Variants in SLC26A7 observed in about 807,000 individuals in gnomAD.
SLC26A7 encodes solute carrier family 26 member 7.
SLC26A7 carries 59 observed loss-of-function variants against 82.5 expected under a neutral mutation model. The ratio of observed to expected loss-of-function variants is 0.72; its 90% CI spans 0.58 to 0.89. SLC26A7 has a LOEUF of 0.89. Ranked by LOEUF, SLC26A7 falls within the 40% of genes least tolerant of loss-of-function variation. The pLI is 0.00. For missense variants in SLC26A7, 820 were observed against 793.0 expected, an observed-to-expected ratio of 1.03 and a Z score of -0.41; for synonymous variants, 271 against 274.3, an observed-to-expected ratio of 0.99 and a Z score of 0.12.
At chr8:91,214,757 T>C (rs1340962088) in intron 1 of SLC26A7, among the ~76,000 whole-genome samples, 1 of 152,190 alleles carries the variant, frequency 6.6e-6, no homozygotes, top group East Asian at 1.9e-4. Flanking sequence ...GTATTAGTTT[T>C]CCATTGAAGC....
At chr8:91,264,579 C>G (rs958282343) in intron 2 of SLC26A7, among the ~76,000 whole-genome samples, 6 of 151,948 alleles carry the variant, frequency 3.9e-5, no homozygotes, top group Admixed American at 3.9e-4. Flanking sequence ...CCAGTCCTCC[C>G]CATGATGTTG....
intron 6 of SLC26A7, among the ~76,000 whole-genome samples, chr8:91,334,956 A>G (rs1402534147): frequency 6.6e-6 from 1 of 152,154 alleles, no homozygotes; most frequent in African/African-American, 2.4e-5. Context: ...GTTCTCTAAA[A>G]TATTTTTTTG....
At chr8:91,362,619 G>A (rs1814081124) in intron 12 of SLC26A7, among the ~76,000 whole-genome samples, 160 bp downstream of exon 12, 1 of 151,960 alleles carries the variant, frequency 6.6e-6, no homozygotes, top group South Asian at 2.1e-4. Context: ...AAACAGATAA[G>A]AAAATGTTTT....
chr8:91,282,480 T>G (rs1341352798), intron 2 of SLC26A7, among the ~76,000 whole-genome samples: 1 of 152,188 alleles, frequency 6.6e-6, no homozygotes, highest in African/African-American at 2.4e-5. Flanking sequence ...TCCTAGTTTT[T>G]GCTGAGCTTG....
At position 91,393,326 on chromosome 8, in the gene SLC26A7, G is replaced by A. The variant is rs376785630; in HGVS notation, c.1777-471G>A. On this transcript the variant is annotated intron_variant, in intron 16 of 18. Transcript: ENST00000276609. The stretch of plus-strand genomic sequence containing the variant: ...GCATTCCTTTTAAAATGGAAGTTGG[G>A]TAATCAAACTTGGCTTGGATTATAG... 1.9e-4 allele frequency among the ~76,000 whole-genome samples: 29 copies of A among 152,176 alleles called. No homozygotes were observed. In the East Asian group the frequency reaches 3.9e-3, roughly 20 times the overall value.
At chr8:91,324,115 C>G (rs1442366531) in intron 5 of SLC26A7, among the ~76,000 whole-genome samples, 1 of 152,166 alleles carries the variant, frequency 6.6e-6, no homozygotes, top group Non-Finnish European at 1.5e-5. Context: ...GCATGAGCCA[C>G]TGCACTCAGC....
intron 5 of SLC26A7, among the ~76,000 whole-genome samples, chr8:91,323,444 C>A (rs13328403): frequency 0.1 from 15,890 of 152,212 alleles, 964 homozygotes; most frequent in Middle Eastern, 0.21. Context: ...ACACAAAATC[C>A]AGTGCTCAAG....
intron 3 of SLC26A7, among the ~76,000 whole-genome samples, chr8:91,293,869 T>C (rs898262411): frequency 2.6e-5 from 4 of 152,216 alleles, no homozygotes; most frequent in Admixed American, 2.6e-4. Flanking sequence ...CCGAGCATCG[T>C]GTTGTAATAT....
intron 2 of SLC26A7, among the ~76,000 whole-genome samples, chr8:91,276,959 T>C (rs967295682): frequency 2.0e-5 from 3 of 152,152 alleles, no homozygotes; most frequent in African/African-American, 7.2e-5. Context: ...ATTTCATGTA[T>C]ATTTGTGTTT....
At position 91,221,076 on chromosome 8, in the gene SLC26A7, G is replaced by C. The variant is rs116180739; in HGVS notation, c.-34+2071G>C. ...ATAATCACCATTCTAAGTGGAGTGA[G>C]ATTATCTCATTGTGGTTTTGATTTG... On this transcript the variant is annotated intron_variant, in intron 2 of 5. Coordinates refer to the SLC26A7 transcript ENST00000522862. Among the ~76,000 whole-genome samples, 503 of 152,276 alleles carry C rather than the reference G, an allele frequency of 3.3e-3. 1 individual carries two copies. Among genetic ancestry groups the C allele is most frequent in the Admixed American group, 5.6e-3 (86 of 15,296 alleles).
Position 91,366,602 on chromosome 8 carries a change from T to C in SLC26A7, c.1511T>C (p.Ile504Thr). 1.2e-6 allele frequency: 2 copies of C among 1,613,130 alleles called. No individual in the cohort carries two copies. The highest frequency in any genetic ancestry group is 2.7e-5 in the African/African-American group (2 of 74,964). Residue 504 changes from isoleucine to threonine, a missense_variant, in exon 14 of 19, where the codon ATT becomes ACT. Ile to Thr is a moderately conservative substitution (Grantham distance 89). Coordinates refer to ENST00000276609, the MANE Select transcript of SLC26A7 (RefSeq NM_052832.4). The part of the protein sequence containing the change: ...MDSETLQQVK[I>T]ISINNPLVFL... The stretch of plus-strand genomic sequence containing the variant: ...AAGGAAACCCTGCAGCAGGTGAAAA[T>C]TATCTCAATAAACAACCCGCTTGTT...
At chr8:91,307,894 T>A (rs1213571393) in intron 4 of SLC26A7, among the ~76,000 whole-genome samples, 1 of 152,128 alleles carries the variant, frequency 6.6e-6, no homozygotes, top group Non-Finnish European at 1.5e-5. Context: ...AAATGGGGTC[T>A]CACTATGTTG....
intron 5 of SLC26A7, among the ~76,000 whole-genome samples, chr8:91,318,719 C>T (rs752604089): frequency 6.6e-6 from 1 of 152,084 alleles, no homozygotes; most frequent in Non-Finnish European, 1.5e-5. Context: ...AACAATAGTG[C>T]ACTCCCCCAC....
chr8:91,361,065 C>T (rs1383199714), intron 11 of SLC26A7, among the ~76,000 whole-genome samples: 1 of 152,108 alleles, frequency 6.6e-6, no homozygotes, highest in Non-Finnish European at 1.5e-5. Context: ...TGGATCTTAA[C>T]ATGAGATTCA....
At chr8:91,374,839 C>G (rs778041030) in intron 15 of SLC26A7, among the ~76,000 whole-genome samples, 2 of 152,012 alleles carry the variant, frequency 1.3e-5, no homozygotes, top group Non-Finnish European at 2.9e-5. Flanking sequence ...ATTGAAGTCC[C>G]CCACTATTAT....
chr8:91,318,167 T>C (rs1009715963), intron 4 of SLC26A7, 49 bp from the exon 5 acceptor site: 2 of 1,527,044 alleles, frequency 1.3e-6, no homozygotes, highest in African/African-American at 2.8e-5. Context: ...TCTGGGAACT[T>C]TGGGGAGTTT....
In SLC26A7 at chr8:91,338,220, A is replaced by G. The variant is rs1813299133; in HGVS notation, c.866A>G (p.His289Arg). ...ACATATGGATTAGAAGTAGTTGGTC[A>G]TATTCCACAAGGGTAATGTAGTCCT... is the stretch of plus-strand genomic sequence containing the variant. ...ENTYGLEVVG[H>R]IPQGIPSPRA... Residue 289 changes from histidine (H) to arginine (R), a missense_variant, in exon 7 of 19, where the codon CAT becomes CGT. By Grantham distance (29) the His-to-Arg change is conservative. Transcript: ENST00000276609. 2.5e-6 allele frequency: 4 copies of G among 1,605,250 alleles called. No homozygotes were observed. The highest frequency in any genetic ancestry group is 3.3e-4 in the Middle Eastern group (2 of 6,014).
intron 2 of SLC26A7, among the ~76,000 whole-genome samples, chr8:91,269,333 T>G: frequency 6.6e-6 from 1 of 152,110 alleles, no homozygotes; most frequent in African/African-American, 2.4e-5. Context: ...TCCTTCACAT[T>G]TGAAGGTTAA....
intron 5 of SLC26A7, among the ~76,000 whole-genome samples, chr8:91,323,818 C>CTTTTTTTTTTTTTT (rs3086210): frequency 1.7e-5 from 2 of 117,102 alleles, no homozygotes; most frequent in Non-Finnish European, 3.6e-5. Context: ...TTTTTCTTAT[C>CTTTTTTTTTTTTTT]TTTTTTTTTT....
Sources: gnomAD v4.1 joint callset for allele counts (sites outside exome capture counted in the v4.1 genomes callset) on GRCh38, gnomAD v4.1.1 for gene constraint, MANE v1.5 for transcripts, NCBI Gene and HGNC (gene_info 2026-07-23, HGNC 2026-07-21) for gene names.